PCDH9: variants seen among roughly 807,000 people sequenced by gnomAD.
PCDH9 encodes protocadherin-9.
Under a neutral mutation model 70.6 loss-of-function variants are expected in PCDH9, and 24 were observed. That is an observed-to-expected ratio of 0.34 (90% CI 0.25 to 0.48). The LOEUF is 0.48. Ranked by LOEUF, PCDH9 falls within the 20% of genes least tolerant of loss-of-function variation. PCDH9 has a pLI of 0.99. For synonymous variants in PCDH9, 562 were observed against 558.5 expected (o/e 1.01, Z -0.09); for missense variants, 1,281 against 1,503.6 (o/e 0.85, Z 2.45).
intron 2 of PCDH9, among the ~76,000 whole-genome samples, chr13:67,150,536 A>G (rs549854284): frequency 2.0e-5 from 3 of 152,326 alleles, no homozygotes; most frequent in East Asian, 3.9e-4. Context: ...ATTCATTTCA[A>G]TGGCCCCAGG....
chr13:67,157,145 A>G (rs2087834520), intron 2 of PCDH9, among the ~76,000 whole-genome samples: 1 of 152,216 alleles, frequency 6.6e-6, no homozygotes, highest in Non-Finnish European at 1.5e-5. Context: ...AATTAATATT[A>G]ATTGATGAAA....
rs980617005 is a variant in PCDH9, at chr13:66,683,814, T to C, written c.3139-52403A>G. ...AAGCTAAGCCAATTCCCTCCCCACC[T>C]TATTCACACATACCCAAATTGTAGC... On this transcript the variant is annotated intron_variant, in intron 3 of 4. Transcript: ENST00000377865. Among the ~76,000 whole-genome samples, 3 of 151,650 alleles carry C rather than the reference T, an allele frequency of 2.0e-5. No individual in the cohort carries two copies. In the Admixed American group the frequency reaches 2.0e-4, roughly 10 times the overall value.
chr13:66,645,899 A>T (rs924305444), intron 3 of PCDH9, among the ~76,000 whole-genome samples: 6 of 152,196 alleles, frequency 3.9e-5, no homozygotes, highest in Non-Finnish European at 7.4e-5. Context: ...TAACAGAAAG[A>T]TCCAATCTAT....
At chr13:66,461,174 A>C (rs1167092031) in intron 4 of PCDH9, among the ~76,000 whole-genome samples, 1 of 151,852 alleles carries the variant, frequency 6.6e-6, no homozygotes, top group Non-Finnish European at 1.5e-5. Flanking sequence ...AACCTTCTTA[A>C]AAGATTATGC....
intron 2 of PCDH9, among the ~76,000 whole-genome samples, chr13:67,014,199 A>C (rs960328988): frequency 1.1e-4 from 16 of 152,092 alleles, no homozygotes; most frequent in Non-Finnish European, 2.2e-4. Flanking sequence ...TTTTTACTAA[A>C]ATACTGTCCC....
At chr13:66,588,840 A>G (rs1229185030) in intron 4 of PCDH9, among the ~76,000 whole-genome samples, 1 of 151,828 alleles carries the variant, frequency 6.6e-6, no homozygotes. Flanking sequence ...AAAACTACAG[A>G]TAAAAATTCC....
intron 3 of PCDH9, among the ~76,000 whole-genome samples, chr13:66,733,565 T>C (rs982574016): frequency 4.6e-5 from 7 of 152,150 alleles, no homozygotes; most frequent in Admixed American, 3.3e-4. Flanking sequence ...TGAATTTCCA[T>C]ATAGATCTCA....
At chr13:66,756,275 C>A (rs2079536965) in intron 3 of PCDH9, among the ~76,000 whole-genome samples, 1 of 151,988 alleles carries the variant, frequency 6.6e-6, no homozygotes, top group African/African-American at 2.4e-5. Flanking sequence ...CATATCAGTA[C>A]AATTAAAAAT....
intron 3 of PCDH9, among the ~76,000 whole-genome samples, chr13:66,717,991 TA>T (rs1387079769): frequency 4.6e-5 from 7 of 152,170 alleles, no homozygotes; most frequent in Non-Finnish European, 1.5e-5. Context: ...TTAACAACTT[TA>T]ATAACTACAG....
At chr13:66,449,089 C>T (rs1958153929) in intron 4 of PCDH9, among the ~76,000 whole-genome samples, 1 of 152,096 alleles carries the variant, frequency 6.6e-6, no homozygotes, top group African/African-American at 2.4e-5. Flanking sequence ...ATCATCTGCT[C>T]CTCCTAGTGA....
At chr13:66,330,389 C>G (rs1955922035) in intron 4 of PCDH9, among the ~76,000 whole-genome samples, 1 of 152,238 alleles carries the variant, frequency 6.6e-6, no homozygotes, top group Admixed American at 6.5e-5. Context: ...TCTGTCTCAG[C>G]ATGTCCTGCG....
chr13:66,374,280 T>C (rs1956710548), intron 4 of PCDH9, among the ~76,000 whole-genome samples: 4 of 151,958 alleles, frequency 2.6e-5, no homozygotes, highest in Admixed American at 1.3e-4. Flanking sequence ...ATCTTTCAGG[T>C]AAGTTCTCCA....
intron 2 of PCDH9, among the ~76,000 whole-genome samples, chr13:66,913,925 T>C (rs2082514479): frequency 6.6e-6 from 1 of 151,980 alleles, no homozygotes; most frequent in Non-Finnish European, 1.5e-5. Context: ...AAAAACACCA[T>C]AATCAAAGGC....
At chr13:67,186,925 G>T (rs919115571) in intron 2 of PCDH9, among the ~76,000 whole-genome samples, 6 of 152,064 alleles carry the variant, frequency 3.9e-5, no homozygotes, top group Middle Eastern at 3.2e-3. Flanking sequence ...GAAATATTAA[G>T]ACCATTTTCA....
At chr13:66,608,155 T>A (rs928122501) in intron 4 of PCDH9, among the ~76,000 whole-genome samples, 2 of 148,658 alleles carry the variant, frequency 1.3e-5, no homozygotes, top group Non-Finnish European at 1.5e-5. Context: ...GAGATATATG[T>A]GTTTGTGTGT....
intron 3 of PCDH9, among the ~76,000 whole-genome samples, chr13:66,651,378 T>C (rs1482883771): frequency 6.6e-6 from 1 of 151,968 alleles, no homozygotes; most frequent in Non-Finnish European, 1.5e-5. Context: ...TGAGCAACTA[T>C]GTGCCAATAA....
chr13:66,398,395 C>A (rs1593913670), intron 4 of PCDH9, among the ~76,000 whole-genome samples: 1 of 151,978 alleles, frequency 6.6e-6, no homozygotes, highest in South Asian at 2.1e-4. Flanking sequence ...AGGTTTGAAT[C>A]AGCAAAAAAG....
In PCDH9 at chr13:67,112,706, T is replaced by G. The variant is rs114209484; in HGVS notation, c.3036+112699A>C. Among the ~76,000 whole-genome samples, 1,025 of 149,710 alleles carry G rather than the reference T, an allele frequency of 6.8e-3. 14 individuals carry two copies. The highest frequency in any genetic ancestry group is 0.023 in the African/African-American group (947 of 40,594). On this transcript the variant is annotated intron_variant, in intron 2 of 4. Coordinates refer to ENST00000377865, the MANE Select transcript of PCDH9 (RefSeq NM_203487.3). ...CGCTCCCTTCTTCCTTTCCTCCCTT[T>G]CCGCCTTCCTTCTTTCCTTCTTTCC...
chr13:66,532,344 G>A (rs1960501481), intron 4 of PCDH9, among the ~76,000 whole-genome samples: 1 of 151,908 alleles, frequency 6.6e-6, no homozygotes, highest in Non-Finnish European at 1.5e-5. Context: ...ATGCTTAAAC[G>A]TTCCCCATGG....
Sources: allele counts gnomAD v4.1 joint callset (sites outside exome capture counted in the v4.1 genomes callset), GRCh38; gene constraint gnomAD v4.1.1; transcripts MANE v1.5; gene names NCBI Gene and HGNC (gene_info 2026-07-23, HGNC 2026-07-21).